Variants in PTTG1IP2 observed in about 807,000 individuals in gnomAD.
The protein encoded by PTTG1IP2 is PTTG1IP family member 2.
At chr7:90,511,398 T>A (rs1335800301) in intron 6 of PTTG1IP2, among the ~76,000 whole-genome samples, 1 of 152,148 alleles carries the variant, frequency 6.6e-6, no homozygotes, top group African/African-American at 2.4e-5. Flanking sequence ...AATTCCTTAG[T>A]GATATAGGAA....
chr7:90,494,611 G>A (rs748837798), intron 6 of PTTG1IP2, among the ~76,000 whole-genome samples, 181 bp downstream of exon 6: 2 of 152,136 alleles, frequency 1.3e-5, no homozygotes, highest in Non-Finnish European at 2.9e-5. Context: ...GCCAAGCACA[G>A]TAGCTGATCT....
chr7:90,488,419 A>G (rs1043824578), intron 3 of PTTG1IP2, among the ~76,000 whole-genome samples: 1 of 152,086 alleles, frequency 6.6e-6, no homozygotes. Flanking sequence ...AAAAAAGTTT[A>G]CAAGGGGTAG....
At chr7:90,478,067 A>C (rs1033605178) in intron 1 of PTTG1IP2, among the ~76,000 whole-genome samples, 1 of 142,792 alleles carries the variant, frequency 7.0e-6, no homozygotes, top group African/African-American at 2.6e-5. Flanking sequence ...ACTGCATTCC[A>C]GCCTGGGTGA....
At chr7:90,498,840 T>A (rs886531836) in intron 6 of PTTG1IP2, among the ~76,000 whole-genome samples, 2 of 152,180 alleles carry the variant, frequency 1.3e-5, no homozygotes, top group East Asian at 1.9e-4. Context: ...TGTTTCCTTT[T>A]AAAAATTTTT....
chr7:90,512,908 T>C (rs1217212676), intron 6 of PTTG1IP2, among the ~76,000 whole-genome samples: 1 of 152,254 alleles, frequency 6.6e-6, no homozygotes, highest in African/African-American at 2.4e-5. Context: ...GTTTCTTTAC[T>C]GCCAAGTTGA....
At chr7:90,489,914 C>G (rs1797919786) in intron 4 of PTTG1IP2, among the ~76,000 whole-genome samples, 1 of 152,000 alleles carries the variant, frequency 6.6e-6, no homozygotes, top group African/African-American at 2.4e-5. Flanking sequence ...AGCTTTTGCA[C>G]TTTCTAGAGT....
At chr7:90,486,349 C>T (rs996628967) in intron 2 of PTTG1IP2, among the ~76,000 whole-genome samples, 11 of 148,960 alleles carry the variant, frequency 7.4e-5, no homozygotes, top group African/African-American at 2.7e-4. Context: ...GTACCTAGAT[C>T]ACCGGGTTGT....
intron 6 of PTTG1IP2, among the ~76,000 whole-genome samples, chr7:90,507,040 T>G (rs1798131922): frequency 1.3e-5 from 2 of 152,160 alleles, no homozygotes; most frequent in South Asian, 4.2e-4. Flanking sequence ...TATAAACAAT[T>G]TTTATTCTTT....
intron 6 of PTTG1IP2, among the ~76,000 whole-genome samples, chr7:90,511,225 G>A (rs552964552): frequency 6.6e-6 from 1 of 152,104 alleles, no homozygotes; most frequent in Non-Finnish European, 1.5e-5. Context: ...GTAAGATATA[G>A]TGCCTGCCAT....
At chr7:90,503,616 T>C (rs1798085512) in intron 6 of PTTG1IP2, among the ~76,000 whole-genome samples, 1 of 152,192 alleles carries the variant, frequency 6.6e-6, no homozygotes, top group Non-Finnish European at 1.5e-5. Flanking sequence ...TGTGTCTCAC[T>C]GAAGAGGGAG....
chr7:90,476,001 G>A (rs374963351), intron 1 of PTTG1IP2, among the ~76,000 whole-genome samples: 8 of 151,244 alleles, frequency 5.3e-5, no homozygotes, highest in South Asian at 2.1e-4. Context: ...AAATGGTGTC[G>A]AAACTAGAAC....
At chr7:90,495,880 AT>A (rs1438154393) in intron 6 of PTTG1IP2, among the ~76,000 whole-genome samples, 1 of 152,162 alleles carries the variant, frequency 6.6e-6, no homozygotes, top group East Asian at 1.9e-4. Flanking sequence ...AAATGTGCAC[AT>A]TTATTTGTTG....
chr7:90,477,209 C>A (rs1017240346), intron 1 of PTTG1IP2, among the ~76,000 whole-genome samples: 23 of 152,072 alleles, frequency 1.5e-4, no homozygotes, highest in Non-Finnish European at 7.4e-5. Flanking sequence ...AAACATCAGG[C>A]CTTGAGGGTG....
intron 2 of PTTG1IP2, among the ~76,000 whole-genome samples, chr7:90,479,753 A>G (rs561722373): frequency 3.3e-5 from 5 of 152,326 alleles, no homozygotes; most frequent in South Asian, 2.1e-4. Flanking sequence ...CAGAAATGCT[A>G]TAAGTTATGA....
At chr7:90,486,497 TTC>T (rs1387036188) in intron 2 of PTTG1IP2, among the ~76,000 whole-genome samples, 1 of 147,724 alleles carries the variant, frequency 6.8e-6, no homozygotes, top group Non-Finnish European at 1.5e-5. Context: ...CTTTTCCAAG[TTC>T]TTCTGGTTTT....
At chr7:90,471,374 T>A (rs2116036727) in intron 1 of PTTG1IP2, among the ~76,000 whole-genome samples, 1 of 152,322 alleles carries the variant, frequency 6.6e-6, no homozygotes, top group South Asian at 2.1e-4. Flanking sequence ...AAGCAGGTTG[T>A]TTTGATCCCC....
intron 4 of PTTG1IP2, among the ~76,000 whole-genome samples, chr7:90,490,770 G>A (rs1797928698): frequency 6.6e-6 from 1 of 152,140 alleles, no homozygotes; most frequent in Non-Finnish European, 1.5e-5. Flanking sequence ...TATGAGTAAA[G>A]TGGCAAATTC....
intron 4 of PTTG1IP2, 114 bp downstream of exon 4, chr7:90,489,078 T>C (rs935474881): frequency 6.6e-6 from 1 of 150,714 alleles, no homozygotes; most frequent in Non-Finnish European, 1.5e-5. Context: ...AAATAATATA[T>C]CCACATGGTA....
At chr7:90,470,281 C>T (rs1266757614) in intron 1 of PTTG1IP2, 1 of 152,068 alleles carries the variant, frequency 6.6e-6, no homozygotes, top group Non-Finnish European at 1.5e-5. Flanking sequence ...CATAGTTCCT[C>T]TTTCTTAAGT....
Sources: allele counts gnomAD v4.1 joint callset (sites outside exome capture counted in the v4.1 genomes callset), GRCh38; gene constraint gnomAD v4.1.1; transcripts MANE v1.5; gene names NCBI Gene and HGNC (gene_info 2026-07-23, HGNC 2026-07-21).